CES5A: variants seen among roughly 807,000 people sequenced by gnomAD.
CES5A encodes the protein carboxylesterase 5.
In CES5A, 67 loss-of-function variants were observed where a neutral mutation model predicts 62.9. That is an observed-to-expected ratio of 1.07 (90% CI 0.88 to 1.31). The LOEUF is 1.31. Ranked by LOEUF, CES5A falls within the 50% of genes most tolerant of loss-of-function variation. The pLI is 0.00. For missense variants in CES5A, 748 were observed against 708.5 expected, an observed-to-expected ratio of 1.06 and a Z score of -0.63; for synonymous variants, 296 against 280.8, an observed-to-expected ratio of 1.05 and a Z score of -0.54.
At position 55,904,493 on chromosome 16, in the gene CES5A, G is replaced by A. The variant is rs114831576; in HGVS notation, c.-256+20830C>T. The stretch of plus-strand genomic sequence containing the variant: ...AAGCCACCAACTATAGATTCACTCC[G>A]AGATCCTAATTCCTCCACTCCTGGA... On this transcript the variant is annotated intron_variant, in intron 1 of 12. Transcript: ENST00000518005. 5.9e-3 allele frequency among the ~76,000 whole-genome samples: 904 copies of A among 152,252 alleles called. 12 individuals are homozygous for A. The highest frequency in any genetic ancestry group is 0.017 in the African/African-American group (691 of 41,536).
At chr16:55,899,402 A>G (rs572775048) in intron 1 of CES5A, among the ~76,000 whole-genome samples, 1 of 152,346 alleles carries the variant, frequency 6.6e-6, no homozygotes, top group East Asian at 1.9e-4. Flanking sequence ...ACACTGAGGA[A>G]GCTGCTGAAA....
upstream of CES5A, among the ~76,000 whole-genome samples, chr16:55,927,207 A>G (rs1390902568): frequency 6.6e-6 from 1 of 152,248 alleles, no homozygotes; most frequent in African/African-American, 2.4e-5. Context: ...TGACCCAGGC[A>G]AAGAATTTAT....
At chr16:55,881,689 A>C (rs2142424975) in intron 1 of CES5A, among the ~76,000 whole-genome samples, 1 of 152,256 alleles carries the variant, frequency 6.6e-6, no homozygotes, top group East Asian at 1.9e-4. Flanking sequence ...AGAATGAGGG[A>C]CTCACTACCT....
chr16:55,947,199 G>C (rs889691888), intron 2 of CES5A, among the ~76,000 whole-genome samples: 1 of 152,160 alleles, frequency 6.6e-6, no homozygotes, highest in Non-Finnish European at 1.5e-5. Flanking sequence ...GTCACACCAG[G>C]TTGTTTGCAT....
At chr16:55,851,867 G>A (rs1343605639) in intron 10 of CES5A, among the ~76,000 whole-genome samples, 2 of 152,292 alleles carry the variant, frequency 1.3e-5, no homozygotes, top group East Asian at 3.9e-4. Context: ...TAAAAAAGGA[G>A]GAAATTCTGA....
At chr16:55,936,508 G>A (rs1176774139) in intron 2 of CES5A, among the ~76,000 whole-genome samples, 1 of 152,150 alleles carries the variant, frequency 6.6e-6, no homozygotes, top group Non-Finnish European at 1.5e-5. Flanking sequence ...TTTTCTGTTG[G>A]ACCCAAGCAT....
chr16:55,884,376 T>A (rs1337053245), intron 1 of CES5A, among the ~76,000 whole-genome samples: 11 of 152,192 alleles, frequency 7.2e-5, no homozygotes, highest in African/African-American at 2.7e-4. Context: ...TCCTTACAGG[T>A]CAAACCCTCT....
chr16:55,895,918 G>A (rs1487395099), intron 1 of CES5A, among the ~76,000 whole-genome samples: 2 of 152,198 alleles, frequency 1.3e-5, no homozygotes, highest in African/African-American at 4.8e-5. Flanking sequence ...GAGAGGATGA[G>A]TGAGACCTCA....
intron 2 of CES5A, chr16:55,944,366 GGGGGCTCTCATTTTT>G (rs1405951584): frequency 2.4e-6 from 1 of 415,350 alleles, no homozygotes; most frequent in Admixed American, 3.5e-5. Context: ...TACCACCATT[GGGGGCTCTCATTTTT>G]GGGGAGAGGG....
intron 1 of CES5A, among the ~76,000 whole-genome samples, chr16:55,880,854 C>T (rs1396323696): frequency 3.3e-5 from 5 of 152,162 alleles, no homozygotes; most frequent in Non-Finnish European, 5.9e-5. Flanking sequence ...ATCAGAAGGC[C>T]TCCTAGCAGC....
intron 1 of CES5A, among the ~76,000 whole-genome samples, chr16:55,916,035 C>T (rs1468658938): frequency 6.6e-6 from 1 of 152,106 alleles, no homozygotes; most frequent in East Asian, 1.9e-4. Flanking sequence ...AGAAGTATTA[C>T]TCAAATCAAT....
At chr16:55,950,578 A>T (rs1385448338) in intron 1 of CES5A, among the ~76,000 whole-genome samples, 6 of 152,158 alleles carry the variant, frequency 3.9e-5, no homozygotes, top group Non-Finnish European at 8.8e-5. Context: ...ACACAAGGAA[A>T]CACAGATGGA....
At chr16:55,939,126 C>CAAG (rs1238258572) in intron 2 of CES5A, among the ~76,000 whole-genome samples, 2 of 152,186 alleles carry the variant, frequency 1.3e-5, no homozygotes, top group African/African-American at 4.8e-5. Context: ...CAAGCTGTAA[C>CAAG]AAGATTTCAT....
At chr16:55,944,664 G>A (rs542837005) in intron 2 of CES5A, among the ~76,000 whole-genome samples, 3 of 152,158 alleles carry the variant, frequency 2.0e-5, no homozygotes, top group Admixed American at 6.5e-5. Flanking sequence ...GCATTTCAAC[G>A]CTAACTGTTC....
chr16:55,868,539 C>A (rs1306785089), intron 4 of CES5A, among the ~76,000 whole-genome samples: 2 of 152,220 alleles, frequency 1.3e-5, no homozygotes, highest in Non-Finnish European at 2.9e-5. Context: ...TCTGTTTCCA[C>A]AGCTCCATGG....
chr16:55,854,635 C>G (rs1468001512), intron 9 of CES5A, among the ~76,000 whole-genome samples: 5 of 145,962 alleles, frequency 3.4e-5, no homozygotes, highest in Admixed American at 1.4e-4. Context: ...CCAGGCTCAA[C>G]AATCCTCCTG....
chr16:55,897,519 T>C (rs1405508788), intron 1 of CES5A, among the ~76,000 whole-genome samples: 1 of 152,188 alleles, frequency 6.6e-6, no homozygotes, highest in Non-Finnish European at 1.5e-5. Context: ...ATCAGTCCTA[T>C]GGAAGCCAGC....
At position 55,869,719 on chromosome 16, in the gene CES5A, G is replaced by C. The variant is rs1597124297; in HGVS notation, c.443C>G (p.Ala148Gly). The C allele has an allele frequency of 6.2e-7, 1 of 1,606,322 alleles. No individual in the cohort carries two copies. The highest frequency in any genetic ancestry group is 1.3e-5 in the African/African-American group (1 of 74,910). Reference protein sequence around the residue: ...LPVLVWFPGGAFKTGSASIFD... With the variant: ...LPVLVWFPGGGFKTGSASIFD... ...GATGGAGGCTGAGCCAGTCTTGAAG[G>C]CACCTCCTGGGAACCACACCAAGAC... Residue 148 changes from alanine to glycine, a missense_variant, in exon 4 of 13, where the codon GCC (alanine) becomes GGC (glycine). Physicochemically the swap from Ala to Gly is moderately conservative, Grantham distance 60. Coordinates refer to ENST00000290567, the MANE Select transcript of CES5A (RefSeq NM_001143685.2).
At chr16:55,882,627 T>C (rs1164633884) in intron 1 of CES5A, among the ~76,000 whole-genome samples, 1 of 152,246 alleles carries the variant, frequency 6.6e-6, no homozygotes, top group Non-Finnish European at 1.5e-5. Flanking sequence ...GAATTTGGGC[T>C]AGAGCCACAT....
Sources: gnomAD v4.1 joint callset for allele counts (sites outside exome capture counted in the v4.1 genomes callset) on GRCh38, gnomAD v4.1.1 for gene constraint, MANE v1.5 for transcripts, NCBI Gene and HGNC (gene_info 2026-07-23, HGNC 2026-07-21) for gene names.